Variants in DLG2 observed in about 807,000 individuals in gnomAD.
The protein encoded by DLG2 is discs large MAGUK scaffold protein 2, also known as disks large homolog 2.
A neutral mutation model predicts 132.5 loss-of-function variants in DLG2; 45 were observed. The observed-to-expected ratio is 0.34, with a 90% CI of 0.27 to 0.44. DLG2 has a LOEUF of 0.44. Ranked by LOEUF, DLG2 falls within the 20% of genes least tolerant of loss-of-function variation. The pLI is 1.00. For synonymous variants in DLG2, 424 were observed against 419.6 expected, an observed-to-expected ratio of 1.01 and a Z score of -0.13; for missense variants, 1,045 against 1,196.9, an observed-to-expected ratio of 0.87 and a Z score of 1.87.
At chr11:84,585,089 C>T (rs946132261) in intron 6 of DLG2, among the ~76,000 whole-genome samples, 1 of 151,900 alleles carries the variant, frequency 6.6e-6, no homozygotes, top group African/African-American at 2.4e-5. Flanking sequence ...TAATATTATG[C>T]TATATTTTTT....
At chr11:84,700,466 G>A (rs1241242265) in intron 6 of DLG2, among the ~76,000 whole-genome samples, 1 of 151,610 alleles carries the variant, frequency 6.6e-6, no homozygotes. Context: ...ATTATTCTGT[G>A]ACAAAATAAC....
At chr11:83,986,112 G>C (rs1405800804) in intron 11 of DLG2, among the ~76,000 whole-genome samples, 1 of 151,520 alleles carries the variant, frequency 6.6e-6, no homozygotes, top group East Asian at 1.9e-4. Flanking sequence ...ACAATGTGCA[G>C]GTTAGTTACA....
intron 6 of DLG2, among the ~76,000 whole-genome samples, chr11:84,548,996 A>C (rs997548037): frequency 6.6e-6 from 1 of 152,210 alleles, no homozygotes; most frequent in East Asian, 1.9e-4. Flanking sequence ...AACATGATCA[A>C]GTATTTGCTT....
At chr11:84,122,813 A>T (rs2093990379) in intron 9 of DLG2, among the ~76,000 whole-genome samples, 1 of 152,074 alleles carries the variant, frequency 6.6e-6, no homozygotes, top group African/African-American at 2.4e-5. Context: ...GAAGAGACAG[A>T]CCAAACATAT....
At chr11:83,559,210 G>C (rs1296828160) in intron 19 of DLG2, among the ~76,000 whole-genome samples, 3 of 152,122 alleles carry the variant, frequency 2.0e-5, no homozygotes, top group Non-Finnish European at 2.9e-5. Context: ...CTTGGTTTAG[G>C]AAATTATGTA....
intron 7 of DLG2, among the ~76,000 whole-genome samples, chr11:84,346,043 G>A (rs1046327270): frequency 6.6e-6 from 1 of 152,154 alleles, no homozygotes; most frequent in Non-Finnish European, 1.5e-5. Flanking sequence ...GCAGTCATCA[G>A]AAACCTGTAG....
Position 83,456,768 on chromosome 11 carries a change from G to A in DLG2, c.*3050C>T, listed in dbSNP as rs1323876499. 3 of 152,146 alleles carry A rather than the reference G, an allele frequency of 2.0e-5. No homozygotes were observed. Among genetic ancestry groups the A allele is most frequent in the South Asian group, 2.1e-4 (1 of 4,822 alleles). 9.4% of individuals were successfully genotyped at this position (152,146 alleles called of 1,614,324 possible). On this transcript the variant is annotated 3_prime_UTR_variant, in exon 28 of 28. Coordinates refer to ENST00000376104, the MANE Select transcript of DLG2 (RefSeq NM_001142699.3). ...AGGTTGGAGAGTTCTTTCCTGGCTCGGAGTCCTGAAGGGCCGGCAGTAGGA... is the reference window on the plus strand; with the variant it reads ...AGGTTGGAGAGTTCTTTCCTGGCTCAGAGTCCTGAAGGGCCGGCAGTAGGA...
intron 6 of DLG2, among the ~76,000 whole-genome samples, chr11:84,546,998 A>G (rs957206721): frequency 1.3e-5 from 2 of 152,228 alleles, no homozygotes; most frequent in African/African-American, 4.8e-5. Flanking sequence ...GACGGCCTGC[A>G]TCAATTCCTA....
chr11:84,976,320 T>C lies in DLG2; in HGVS notation c.357+135341A>G, dbSNP rs533039528. Reference sequence around the variant, plus strand: ...AGTTATTTAATACCAATTGAACTAATTAAACAGTTGCCAGGGGGTATGCTG... The same window carrying C: ...AGTTATTTAATACCAATTGAACTAACTAAACAGTTGCCAGGGGGTATGCTG... On this transcript the variant is annotated intron_variant, in intron 6 of 27. Coordinates refer to ENST00000376104, the MANE Select transcript of DLG2 (RefSeq NM_001142699.3). Among the ~76,000 whole-genome samples the C allele has an allele frequency of 2.4e-4, 36 of 152,202 alleles. No homozygotes were observed. The East Asian group carries it at 4.1e-3, about 17-fold the overall frequency.
intron 6 of DLG2, among the ~76,000 whole-genome samples, chr11:85,014,548 C>T (rs1428741959): frequency 1.3e-5 from 2 of 152,168 alleles, no homozygotes; most frequent in Non-Finnish European, 2.9e-5. Flanking sequence ...TACATGCATC[C>T]CTTTCTCCTC....
intron 3 of DLG2, among the ~76,000 whole-genome samples, chr11:85,558,022 C>T (rs1195254339): frequency 1.3e-5 from 2 of 151,826 alleles, no homozygotes; most frequent in Non-Finnish European, 2.9e-5. Flanking sequence ...AAACAGACAA[C>T]CTACAGAATG....
At chr11:85,020,482 A>G (rs1478504282) in intron 6 of DLG2, among the ~76,000 whole-genome samples, 1 of 152,036 alleles carries the variant, frequency 6.6e-6, no homozygotes, top group Non-Finnish European at 1.5e-5. Context: ...CCATTTGTCT[A>G]TTTTGGCTTT....
intron 6 of DLG2, among the ~76,000 whole-genome samples, chr11:84,978,264 C>T (rs997376339): frequency 6.6e-6 from 1 of 152,136 alleles, no homozygotes; most frequent in South Asian, 2.1e-4. Context: ...TTTTCATCCC[C>T]ATCAAGCTAC....
chr11:85,060,983 T>A (rs2064066762), intron 6 of DLG2, among the ~76,000 whole-genome samples: 1 of 151,860 alleles, frequency 6.6e-6, no homozygotes, highest in Non-Finnish European at 1.5e-5. Context: ...ATTTCGCTGA[T>A]GGTTAGTGAT....
chr11:84,827,330 A>C (rs188235560), intron 6 of DLG2, among the ~76,000 whole-genome samples: 50 of 151,874 alleles, frequency 3.3e-4, no homozygotes, highest in Admixed American at 9.2e-4. Flanking sequence ...TACAATGACT[A>C]GAAGACAGCT....
intron 17 of DLG2, among the ~76,000 whole-genome samples, chr11:83,823,081 T>C (rs901038301): frequency 1.3e-5 from 2 of 152,176 alleles, no homozygotes; most frequent in African/African-American, 4.8e-5. Flanking sequence ...TACATATATA[T>C]GGTAATGCAA....
chr11:85,459,284 G>A (rs1371431170), intron 3 of DLG2, among the ~76,000 whole-genome samples: 1 of 152,206 alleles, frequency 6.6e-6, no homozygotes, highest in Non-Finnish European at 1.5e-5. Context: ...TCAGCCAGGA[G>A]GTGAGACAGT....
chr11:85,361,678 C>T (rs746049937), intron 3 of DLG2, among the ~76,000 whole-genome samples: 18 of 152,156 alleles, frequency 1.2e-4, no homozygotes, highest in African/African-American at 1.7e-4. Flanking sequence ...ACAGCATGTG[C>T]GTATATACGC....
At chr11:84,256,994 C>T (rs1397533602) in intron 7 of DLG2, among the ~76,000 whole-genome samples, 1 of 152,176 alleles carries the variant, frequency 6.6e-6, no homozygotes, top group Non-Finnish European at 1.5e-5. Context: ...ATATGCTAAT[C>T]CTGGCTAGGG....
Sources: allele counts gnomAD v4.1 joint callset (sites outside exome capture counted in the v4.1 genomes callset), GRCh38; gene constraint gnomAD v4.1.1; transcripts MANE v1.5; gene names NCBI Gene and HGNC (gene_info 2026-07-23, HGNC 2026-07-21).